Variants in TSGA10 observed in about 807,000 individuals in gnomAD.
TSGA10 encodes the protein testis-specific gene 10 protein.
In TSGA10, 43 loss-of-function variants were observed where a neutral mutation model predicts 96.6. The ratio of observed to expected loss-of-function variants is 0.44; its 90% CI spans 0.35 to 0.57. The LOEUF (loss-of-function observed/expected upper bound fraction) is 0.57, where lower values mean the gene tolerates loss of function less well. Among genes scored for constraint, TSGA10 ranks in the 20% least tolerant of loss-of-function variants. The pLI, the probability that TSGA10 is intolerant of heterozygous loss-of-function variation, is 0.01. For synonymous variants in TSGA10, 229 were observed against 269.9 expected (o/e 0.85, Z 1.48); for missense variants, 703 against 834.4 (o/e 0.84, Z 1.94).
intron 16 of TSGA10, among the ~76,000 whole-genome samples, chr2:99,046,432 TCAACTA>T (rs1165791239): frequency 6.6e-6 from 1 of 151,970 alleles, no homozygotes; most frequent in Non-Finnish European, 1.5e-5. Context: ...TCAAAACCAC[TCAACTA>T]CATGGAAACT....
At chr2:99,108,600 T>C (rs557749512) in intron 7 of TSGA10, among the ~76,000 whole-genome samples, 15 of 152,306 alleles carry the variant, frequency 9.8e-5, no homozygotes, top group African/African-American at 3.6e-4. Flanking sequence ...AAGACTATTT[T>C]TATACATGTG....
intron 10 of TSGA10, among the ~76,000 whole-genome samples, chr2:99,103,435 C>T (rs1481585702): frequency 1.3e-5 from 2 of 152,164 alleles, no homozygotes; most frequent in South Asian, 2.1e-4. Flanking sequence ...TTGCTGTAGG[C>T]TGCTTCAATT....
intron 16 of TSGA10, among the ~76,000 whole-genome samples, chr2:99,058,250 A>G (rs1227380935): frequency 6.6e-6 from 1 of 152,220 alleles, no homozygotes; most frequent in Non-Finnish European, 1.5e-5. Context: ...TAAATTGTAT[A>G]CTTTAAGTGG....
chr2:99,035,341 T>G lies in TSGA10; in HGVS notation c.1503A>C (p.Lys501Asn), dbSNP rs761323414. ...EEELQKVQFE[K>N]VSALADLSST... ...AAGACAAATCTGCAAGAGCGGACAC[T>G]TTTTCAAACTGAACCTTCTGAAGCT... The change falls in exon 17 of 21, where the codon AAA becomes AAC. Residue 501 changes from lysine to asparagine, a missense_variant. This residue lies in a region of TSGA10 where 585 missense variants were observed against 656.8 expected (regional missense o/e 0.89). Transcript: ENST00000393483. 6.2e-6 allele frequency: 10 copies of G among 1,613,366 alleles called. No homozygotes were observed. In the East Asian group the frequency reaches 2.0e-4, roughly 32 times the overall value.
chr2:99,038,861 A>G (rs765926205), intron 16 of TSGA10, among the ~76,000 whole-genome samples: 5 of 152,156 alleles, frequency 3.3e-5, no homozygotes, highest in Non-Finnish European at 7.4e-5. Context: ...CACAAGGAAC[A>G]TTCTCCAAAA....
At chr2:99,022,343 A>C (rs530919269) in intron 17 of TSGA10, among the ~76,000 whole-genome samples, 20 of 151,070 alleles carry the variant, frequency 1.3e-4, no homozygotes, top group South Asian at 2.1e-4. Context: ...AAAAAAAAAA[A>C]AAAAAAAAAC....
At chr2:99,133,943 A>T (rs1186154700) in intron 1 of TSGA10, among the ~76,000 whole-genome samples, 4 of 152,216 alleles carry the variant, frequency 2.6e-5, no homozygotes, top group African/African-American at 7.2e-5. Context: ...GGGTTTCTGC[A>T]GAGAGACCCA....
chr2:99,041,984 C>G (rs935970104), intron 16 of TSGA10, among the ~76,000 whole-genome samples: 2 of 150,164 alleles, frequency 1.3e-5, no homozygotes, highest in Non-Finnish European at 3.0e-5. Flanking sequence ...AAGAAAGAAA[C>G]AAACAATCTG....
chr2:99,083,861 C>G (rs1023792936), intron 10 of TSGA10, among the ~76,000 whole-genome samples: 2 of 151,926 alleles, frequency 1.3e-5, no homozygotes, highest in African/African-American at 4.8e-5. Flanking sequence ...GATATTTTTG[C>G]GGTAATAGAC....
At chr2:99,130,257 G>C (rs184180313) in intron 1 of TSGA10, among the ~76,000 whole-genome samples, 38 of 152,300 alleles carry the variant, frequency 2.5e-4, no homozygotes, top group African/African-American at 8.9e-4. Context: ...CAGTGTAAAA[G>C]CGTTCCTATT....
intron 17 of TSGA10, among the ~76,000 whole-genome samples, chr2:99,027,855 T>C (rs767978915): frequency 2.6e-5 from 4 of 152,202 alleles, no homozygotes; most frequent in African/African-American, 4.8e-5. Flanking sequence ...GGTTAAATTT[T>C]TGTTGTTGAA....
chr2:99,139,862 G>A (rs1236691097), intron 1 of TSGA10, among the ~76,000 whole-genome samples: 1 of 152,198 alleles, frequency 6.6e-6, no homozygotes, highest in Non-Finnish European at 1.5e-5. Context: ...TATCTTAGAA[G>A]TCAGGAGAGT....
At chr2:99,013,042 T>G (rs925380969) in intron 20 of TSGA10, among the ~76,000 whole-genome samples, 3 of 152,156 alleles carry the variant, frequency 2.0e-5, no homozygotes, top group African/African-American at 7.2e-5. Context: ...GCTCTGATCT[T>G]TGTTATTTCT....
intron 1 of TSGA10, among the ~76,000 whole-genome samples, chr2:99,152,078 A>T (rs1443590083): frequency 6.6e-6 from 1 of 152,254 alleles, no homozygotes; most frequent in African/African-American, 2.4e-5. Flanking sequence ...AAAAAAATAC[A>T]TAAATCATTC....
rs140027933 is a variant in TSGA10, at chr2:99,102,181, C to G, written c.611+1786G>C. 2.8e-4 allele frequency: 440 copies of G among 1,559,988 alleles called. 3 individuals carry two copies. The East Asian group carries it at 9.8e-3, about 35-fold the overall frequency. On this transcript the variant is annotated intron_variant, in intron 10 of 20. Coordinates refer to ENST00000393483, the MANE Select transcript of TSGA10 (RefSeq NM_025244.4). ...ATACTTGAACTTCGGAAATATGAAG[C>G]TATTCAGTTAACTTTCAAACAGGTA...
At chr2:99,031,800 T>C (rs1242718696) in intron 17 of TSGA10, among the ~76,000 whole-genome samples, 1 of 152,166 alleles carries the variant, frequency 6.6e-6, no homozygotes, top group African/African-American at 2.4e-5. Flanking sequence ...CAGCATTAGA[T>C]TCTCATAGGA....
At position 99,078,596 on chromosome 2, in the gene TSGA10, C is replaced by A. The variant is rs931917307; in HGVS notation, c.882+63G>T. The A allele has an allele frequency of 4.9e-6, 7 of 1,432,118 alleles. No homozygotes were observed. In the African/African-American group the frequency reaches 8.6e-5, roughly 18 times the overall value. 88.7% of individuals were successfully genotyped at this position (1,432,118 alleles called of 1,614,324 possible). The stretch of plus-strand genomic sequence containing the variant: ...TATTCAGATTCTAGTTCTTTTAAAC[C>A]ATAGTTTAACATTTAACATTTCATT... On this transcript the variant is annotated intron_variant, in intron 12 of 20. Transcript: ENST00000393483.
At chr2:99,002,534 C>T (rs532949148) in intron 20 of TSGA10, among the ~76,000 whole-genome samples, 1 of 152,130 alleles carries the variant, frequency 6.6e-6, no homozygotes, top group Non-Finnish European at 1.5e-5. Flanking sequence ...CAAAAACATG[C>T]CAAATTGTAA....
chr2:99,047,651 T>C (rs563115087), intron 16 of TSGA10, among the ~76,000 whole-genome samples: 2 of 152,346 alleles, frequency 1.3e-5, no homozygotes, highest in South Asian at 2.1e-4. Flanking sequence ...AGCATTCCCT[T>C]TGAAGACTGG....
Sources: allele counts gnomAD v4.1 joint callset (sites outside exome capture counted in the v4.1 genomes callset), GRCh38; gene constraint gnomAD v4.1.1; regional missense constraint gnomAD v4.1.1; transcripts MANE v1.5; gene names NCBI Gene and HGNC (gene_info 2026-07-23, HGNC 2026-07-21).